PTPN23: variants seen among roughly 807,000 people sequenced by gnomAD.
PTPN23 encodes tyrosine-protein phosphatase non-receptor type 23.
In PTPN23, 72 loss-of-function variants were observed where a neutral mutation model predicts 156.3. The ratio of observed to expected loss-of-function variants is 0.46; its 90% confidence interval spans 0.38 to 0.56. The LOEUF is 0.56. Ranked by LOEUF, PTPN23 falls within the 20% of genes least tolerant of loss-of-function variation. The pLI, the probability that PTPN23 is intolerant of heterozygous loss-of-function variation, is 0.00. For missense variants in PTPN23, 1,974 were observed against 2,171.5 expected, an observed-to-expected ratio of 0.91 and a Z score of 1.81; for synonymous variants, 957 against 899.6, an observed-to-expected ratio of 1.06 and a Z score of -1.14.
chr3:47,408,486 G>T lies in PTPN23; in HGVS notation c.1326G>T (p.Met442Ile). The T allele has an allele frequency of 6.2e-7, 1 of 1,611,438 alleles. No individual in the cohort carries two copies. Among genetic ancestry groups the T allele is most frequent in the Non-Finnish European group, 8.5e-7 (1 of 1,178,102 alleles). Residue 442 changes from methionine (M) to isoleucine (I), a missense_variant, in exon 15 of 25, where the codon ATG becomes ATT. By Grantham distance (10) the Met-to-Ile change is conservative (BLOSUM62 1). Coordinates refer to ENST00000265562, the MANE Select transcript of PTPN23 (RefSeq NM_015466.4). Reference sequence around the variant, plus strand: ...CTGTCAGGAACCTTGTACAGTCCATGCAAGGTGAGTAAGGGGCAGAGCAAG... The same window carrying T: ...CTGTCAGGAACCTTGTACAGTCCATTCAAGGTGAGTAAGGGGCAGAGCAAG... The part of the protein sequence containing the change: ...PDTVRNLVQS[M>I]QVLSGVFTDV...
At chr3:47,397,963 GC>G (rs1209431222) in intron 2 of PTPN23, among the ~76,000 whole-genome samples, 1 of 151,864 alleles carries the variant, frequency 6.6e-6, no homozygotes, top group Non-Finnish European at 1.5e-5. Context: ...GAGCCACCGC[GC>G]CCCGCCTGGT....
chr3:47,401,608 G>C (rs916457961), intron 2 of PTPN23, among the ~76,000 whole-genome samples: 1 of 152,204 alleles, frequency 6.6e-6, no homozygotes, highest in Non-Finnish European at 1.5e-5. Flanking sequence ...TATTGCTTAG[G>C]ATGTGGCTCT....
intron 1 of PTPN23, among the ~76,000 whole-genome samples, chr3:47,391,742 A>C (rs1010175819): frequency 8.5e-5 from 13 of 152,132 alleles, no homozygotes; most frequent in African/African-American, 3.1e-4. Context: ...CCTCTATCCC[A>C]CGAGACCTCT....
At chr3:47,412,457 T>G in intron 23 of PTPN23, 36 bp downstream of exon 23, 1 of 1,611,676 alleles carries the variant, frequency 6.2e-7, no homozygotes, top group South Asian at 1.1e-5. Flanking sequence ...GGATGGGCCT[T>G]CTGTCCCAGG....
chr3:47,405,324 CTCTG>C lies in PTPN23; in HGVS notation c.364+248_364+251del, dbSNP rs1216033060. ...TGCCACACAGAGTTGCCACTGTGTG[CTCTG>C]TCTGGGAGAGAGGGCCTTTCTTCTT... On this transcript the variant is annotated intron_variant, in intron 4 of 24. Coordinates refer to ENST00000265562, the MANE Select transcript of PTPN23 (RefSeq NM_015466.4). This position sits in a 1 kb window ranked among gnomAD's most constrained non-coding sequence, Gnocchi z 4.7. 4 of 575,938 alleles carry C rather than the reference CTCTG, an allele frequency of 6.9e-6. No homozygotes were observed. The highest frequency in any genetic ancestry group is 3.0e-5 in the Admixed American group (1 of 33,266). The allele number at this position is 575,938 out of a possible 1,614,324, so 35.7% of individuals were successfully genotyped here.
chr3:47,396,675 G>A (rs1047543678), intron 2 of PTPN23, among the ~76,000 whole-genome samples: 5 of 152,172 alleles, frequency 3.3e-5, no homozygotes, highest in African/African-American at 9.7e-5. Context: ...AGCACTTTGG[G>A]AGGCCAAGGC....
Position 47,405,568 on chromosome 3 carries a change from G to C in PTPN23, c.365-181G>C. ...TCTGCCAAATGCAGAGCAGGAGACT[G>C]AGGGCTGGGCAGGACTTCTGAGTTT... On this transcript the variant is annotated intron_variant, in intron 4 of 24. Transcript: ENST00000265562. The surrounding 1 kb of genome is among the most constrained non-coding windows in gnomAD (Gnocchi z 4.7). The C allele has an allele frequency of 1.6e-6, 1 of 641,220 alleles. No individual in the cohort carries two copies. Among genetic ancestry groups the C allele is most frequent in the South Asian group, 1.9e-5 (1 of 52,214 alleles). The allele number at this position is 641,220 out of a possible 1,614,324, so 39.7% of individuals were successfully genotyped here. A position where few individuals can be genotyped will look rare whatever the true frequency, so the allele number is the denominator to read the frequency against.
rs750081269 is a variant in PTPN23, at chr3:47,409,213, G to A, written c.1693G>A (p.Glu565Lys). ...AAAGCGCATCCTGGCTAAGGTGCAG[G>A]AGATGCGGGACCAGCGCGTGTCCCT... is the stretch of plus-strand genomic sequence containing the variant. Reference protein sequence around the residue: ...NLKRILAKVQEMRDQRVSLEQ... With the variant: ...NLKRILAKVQKMRDQRVSLEQ... The change falls in exon 17 of 25, where the codon GAG (glutamate) becomes AAG (lysine). Residue 565 changes from glutamate to lysine, a missense_variant. By Grantham distance (56) the Glu-to-Lys change is moderately conservative. Around this residue, in one of 4 missense-constraint regions of PTPN23, gnomAD observed 726 missense variants for 929.5 expected, o/e 0.78. Transcript: ENST00000265562. 1.3e-5 allele frequency: 21 copies of A among 1,614,104 alleles called. No individual in the cohort carries two copies. The highest frequency in any genetic ancestry group is 1.6e-5 in the Non-Finnish European group (19 of 1,180,054).
intron 2 of PTPN23, among the ~76,000 whole-genome samples, chr3:47,400,184 G>C (rs781281255): frequency 6.6e-6 from 1 of 152,232 alleles, no homozygotes; most frequent in Admixed American, 6.5e-5. Flanking sequence ...TAATCTTTCA[G>C]TGAAAAAGTT....
rs545712998 is a variant in PTPN23, at chr3:47,396,847, G to A, written c.159+630G>A. Among the ~76,000 whole-genome samples the A allele has an allele frequency of 3.5e-4, 53 of 152,150 alleles. 1 individual carries two copies. Among genetic ancestry groups the A allele is most frequent in the African/African-American group, 1.2e-3 (48 of 41,516 alleles). The stretch of plus-strand genomic sequence containing the variant: ...AGTCTGAGGAGGGAAGATCACTTGA[G>A]CCCAGGAGGTTGGGACTGCAGTGAG... On this transcript the variant is annotated intron_variant, in intron 2 of 24. Transcript: ENST00000265562.
rs1705379863 is a variant in PTPN23 at position 47,413,313 on chromosome 3, G to GCCCAGC, written c.*130_*135dup. 1 of 1,338,832 alleles carries GCCCAGC rather than the reference G, an allele frequency of 7.5e-7. No individual in the cohort carries two copies. The highest frequency in any genetic ancestry group is 2.2e-5 in the Admixed American group (1 of 44,870). 82.9% of individuals were successfully genotyped at this position (1,338,832 alleles called of 1,614,324 possible). On this transcript the variant is annotated 3_prime_UTR_variant, in exon 25 of 25. Transcript: ENST00000265562. ...TTTCTGCTGCCTTTGGCCCTGCCTG[G>GCCCAGC]CCCAGCCTGCACCCCTGTGGGGTGG...
At chr3:47,383,557 A>C (rs1704592671) in intron 1 of PTPN23, among the ~76,000 whole-genome samples, 1 of 152,214 alleles carries the variant, frequency 6.6e-6, no homozygotes, top group African/African-American at 2.4e-5. Flanking sequence ...CATAGTTGGC[A>C]GTCAGAAAAA....
Position 47,411,063 on chromosome 3 carries a change from G to GC in PTPN23, c.3269dup (p.Ser1091IlefsTer60). On this transcript the variant is annotated frameshift_variant, in exon 20 of 25. Transcript: ENST00000265562. LOFTEE classifies it high-confidence loss of function. The surrounding 1 kb of genome is among the most constrained non-coding windows in gnomAD (Gnocchi z 6.3). Reference sequence around the variant, plus strand: ...TAGTCCCCACCTGGTGCCTTCACCTGCCCCATCTCCAGGGCCTGGTCCGGT... The same window carrying GC: ...TAGTCCCCACCTGGTGCCTTCACCTGCCCCCATCTCCAGGGCCTGGTCCGGT... The GC allele has an allele frequency of 6.3e-7, 1 of 1,585,346 alleles. No homozygotes were observed. Among genetic ancestry groups the GC allele is most frequent in the Non-Finnish European group, 8.6e-7 (1 of 1,166,630 alleles).
chr3:47,409,953 C>A lies in PTPN23; in HGVS notation c.2155C>A (p.Arg719=). The A allele has an allele frequency of 6.4e-6, 10 of 1,569,336 alleles. No individual in the cohort carries two copies. Among genetic ancestry groups the A allele is most frequent in the Non-Finnish European group, 8.6e-6 (10 of 1,160,590 alleles). Residue 719 remains arginine (R), a synonymous_variant, in exon 20 of 25, where the codon CGG becomes AGG. Transcript: ENST00000265562. ...DRELKKKPPP[R]PTAPKPLLPR... ...GGAGCTGAAGAAGAAGCCGCCGCCA[C>A]GGCCCACAGCCCCAAAGCCGCTGCT... is the stretch of plus-strand genomic sequence containing the variant.
chr3:47,411,385 G>T lies in PTPN23; in HGVS notation c.3587G>T (p.Arg1196Leu), dbSNP rs899483891. 3.7e-6 allele frequency: 6 copies of T among 1,613,018 alleles called. No individual in the cohort carries two copies. The highest frequency in any genetic ancestry group is 5.1e-6 in the Non-Finnish European group (6 of 1,180,024). Residue 1196 changes from arginine to leucine, a missense_variant, in exon 20 of 25, where the codon CGA becomes CTA. By Grantham distance (102) the Arg-to-Leu change is moderately radical (BLOSUM62 -2). Coordinates refer to ENST00000265562, the MANE Select transcript of PTPN23 (RefSeq NM_015466.4). This position sits in a 1 kb window ranked among gnomAD's most constrained non-coding sequence, Gnocchi z 6.3. The stretch of plus-strand genomic sequence containing the variant: ...GTGGGAGCTCTGGACACTGTCTGGC[G>T]AGAGCTGCAAGATGCGCAGGAACAT... ...GDVGALDTVW[R>L]ELQDAQEHDA... is the part of the protein sequence containing the mutation.
chr3:47,405,368 C>G lies in PTPN23; in HGVS notation c.364+287C>G. 5.5e-6 allele frequency: 3 copies of G among 543,896 alleles called. No homozygotes were observed. Among genetic ancestry groups the G allele is most frequent in the African/African-American group, 1.9e-5 (1 of 52,924 alleles). The allele number at this position is 543,896 out of a possible 1,614,324, so 33.7% of individuals were successfully genotyped here. Reference sequence around the variant, plus strand: ...CCTTTCTTCTTTGACTGGACAGCCCCTCCCCACTGTGGTTTTGGGCTGCTT... The same window carrying G: ...CCTTTCTTCTTTGACTGGACAGCCCGTCCCCACTGTGGTTTTGGGCTGCTT... On this transcript the variant is annotated intron_variant, in intron 4 of 24. Coordinates refer to ENST00000265562, the MANE Select transcript of PTPN23 (RefSeq NM_015466.4). The surrounding 1 kb of genome is among the most constrained non-coding windows in gnomAD (Gnocchi z 4.7).
chr3:47,404,347 G>A (rs1259957557), intron 2 of PTPN23, among the ~76,000 whole-genome samples: 1 of 151,486 alleles, frequency 6.6e-6, no homozygotes, highest in Middle Eastern at 3.2e-3. Context: ...CAGGAGAATT[G>A]CTTGAACCCA....
In PTPN23 at chr3:47,408,278, G is replaced by A. The variant is rs9873822; in HGVS notation, c.1185-67G>A. On this transcript the variant is annotated intron_variant, in intron 14 of 24. Coordinates refer to ENST00000265562, the MANE Select transcript of PTPN23 (RefSeq NM_015466.4). ...ATTGAGTGGTGAGGCTTGCCCTAGC[G>A]GCTCCTTTGACATGGTCAGAGTTGG... 4.2e-4 allele frequency: 658 copies of A among 1,571,392 alleles called. 2 individuals are homozygous for A. The African/African-American group carries it at 8.0e-3, about 19-fold the overall frequency.
rs1480981347 is a variant in PTPN23, at chr3:47,408,490, G to A, written c.1330G>A (p.Val444Met). ...TVRNLVQSMQ[V>M]LSGVFTDVEA... ...CAGGAACCTTGTACAGTCCATGCAA[G>A]GTGAGTAAGGGGCAGAGCAAGCAGG... Residue 444 changes from valine to methionine, a missense_variant and splice_region_variant, in exon 15 of 25, where the codon GTG becomes ATG. Physicochemically the swap from Val to Met is conservative, Grantham distance 21. Transcript: ENST00000265562. The A allele has an allele frequency of 6.2e-7, 1 of 1,609,636 alleles. No homozygotes were observed. The highest frequency in any genetic ancestry group is 8.5e-7 in the Non-Finnish European group (1 of 1,176,822).
Sources: allele counts gnomAD v4.1 joint callset (sites outside exome capture counted in the v4.1 genomes callset), GRCh38; gene constraint gnomAD v4.1.1; regional missense constraint gnomAD v4.1.1; non-coding constraint Gnocchi (gnomAD v3.1); transcripts MANE v1.5; gene names NCBI Gene and HGNC (gene_info 2026-07-23, HGNC 2026-07-21).